SETD1B: variants seen among roughly 807,000 people sequenced by gnomAD.
SETD1B encodes histone-lysine N-methyltransferase SETD1B.
SETD1B carries 7 observed loss-of-function variants against 148.0 expected under a neutral mutation model. The observed-to-expected ratio is 0.05, with a 90% confidence interval of 0.03 to 0.09. The LOEUF (loss-of-function observed/expected upper bound fraction) is 0.09. Ranked by LOEUF, SETD1B falls within the 10% of genes least tolerant of loss-of-function variation. The probability of loss-of-function intolerance (pLI) is 1.00; values close to 1 mark genes in which losing one functional copy is unlikely to be tolerated. For missense variants in SETD1B, 2,155 were observed against 2,729.9 expected, an observed-to-expected ratio of 0.79 and a Z score of 4.69; for synonymous variants, 1,361 against 1,186.5, an observed-to-expected ratio of 1.15 and a Z score of -3.02.
At chr12:121,791,362 G>C in the SETD1B span, among the ~76,000 whole-genome samples, 80 of 152,324 alleles carry the variant, frequency 5.3e-4, 1 homozygote, top group East Asian at 0.012. Flanking sequence ...ATATTAATCT[G>C]ATTTAATCCT....
chr12:121,806,821 C>T (rs1029765235), intron 4 of SETD1B, among the ~76,000 whole-genome samples: 1 of 152,220 alleles, frequency 6.6e-6, no homozygotes, highest in Admixed American at 6.5e-5. Flanking sequence ...GCCATACCTC[C>T]CACCCTGTGG....
At position 121,814,561 on chromosome 12, in the gene SETD1B, C is replaced by A; in HGVS notation, c.2346C>A (p.Leu782=). ...PMSFQMQTQV[L]SRLMTGQGAC... is the part of the protein sequence containing the mutation. ...CCTTCCAGATGCAAACGCAGGTGCT[C>A]AGCCGGCTGATGACGGGCCAGGGCG... The change falls in exon 7 of 17, where the codon CTC becomes CTA. Residue 782 remains leucine, a synonymous_variant. Coordinates refer to ENST00000604567, the MANE Select transcript of SETD1B (RefSeq NM_001353345.2). 1 of 1,502,762 alleles carries A rather than the reference C, an allele frequency of 6.7e-7. No homozygotes were observed. Among genetic ancestry groups the A allele is most frequent in the South Asian group, 1.3e-5 (1 of 77,034 alleles). The allele number at this position is 1,502,762 out of a possible 1,614,324, so 93.1% of individuals were successfully genotyped here. A position where few individuals can be genotyped will look rare whatever the true frequency, so the allele number is the denominator to read the frequency against.
rs1405854735 is a variant in SETD1B at position 121,831,612 on chromosome 12, T to A, written c.*1373T>A. 6.6e-6 allele frequency: 1 copy of A among 151,774 alleles called. No individual in the cohort carries two copies. Among genetic ancestry groups the A allele is most frequent in the African/African-American group, 2.4e-5 (1 of 41,356 alleles). 9.4% of individuals were successfully genotyped at this position (151,774 alleles called of 1,614,324 possible). A position where few individuals can be genotyped will look rare whatever the true frequency, so the allele number is the denominator to read the frequency against. On this transcript the variant is annotated 3_prime_UTR_variant, in exon 17 of 17. Coordinates refer to ENST00000604567, the MANE Select transcript of SETD1B (RefSeq NM_001353345.2). Reference sequence around the variant, plus strand: ...GGAAGACATTTTTTGCTCATTTCTTTGTACTTCCAAAAAAAAAGGAAAAAA... The same window carrying A: ...GGAAGACATTTTTTGCTCATTTCTTAGTACTTCCAAAAAAAAAGGAAAAAA...
chr12:121,806,289 G>T (rs952997253), intron 4 of SETD1B, among the ~76,000 whole-genome samples, 184 bp downstream of exon 4: 1 of 151,786 alleles, frequency 6.6e-6, no homozygotes, highest in African/African-American at 2.4e-5. Flanking sequence ...CTGTTGCTAG[G>T]AGACAGTCTG....
At chr12:121,821,430 C>T (rs1876561104) in intron 11 of SETD1B, among the ~76,000 whole-genome samples, 1 of 144,508 alleles carries the variant, frequency 6.9e-6, no homozygotes, top group African/African-American at 2.6e-5. Flanking sequence ...TAGAGTGAGA[C>T]TGTCTTAAAA....
intron 11 of SETD1B, among the ~76,000 whole-genome samples, chr12:121,821,389 A>T (rs1317100065): frequency 2.6e-5 from 4 of 151,522 alleles, no homozygotes; most frequent in Non-Finnish European, 4.4e-5. Flanking sequence ...GCGAGCCGAG[A>T]TCGTGCCACA....
At position 121,805,786 on chromosome 12, in the gene SETD1B, C is replaced by T; in HGVS notation, c.274-49C>T. ...GGGCGGGGGGGATGTTGTGTTTTCC[C>T]TTAGGTTTAAACGTTCTTCAAACTC... is the stretch of plus-strand genomic sequence containing the variant. On this transcript the variant is annotated intron_variant, in intron 3 of 16. Transcript: ENST00000604567. This position sits in a 1 kb window ranked among gnomAD's most constrained non-coding sequence, Gnocchi z 4.2. 3.3e-6 allele frequency: 5 copies of T among 1,517,060 alleles called. 1 individual carries two copies. The highest frequency in any genetic ancestry group is 4.9e-5 in the East Asian group (2 of 40,404). 94.0% of individuals were successfully genotyped at this position (1,517,060 alleles called of 1,614,324 possible).
At chr12:121,795,332 T>G in the SETD1B span, 1 of 152,146 alleles carries the variant, frequency 6.6e-6, no homozygotes, top group Non-Finnish European at 1.5e-5. Context: ...GTCACAGTCT[T>G]AGGGGAAGCA....
intron 16 of SETD1B, among the ~76,000 whole-genome samples, chr12:121,828,931 A>G (rs1467000697): frequency 6.6e-6 from 1 of 152,170 alleles, no homozygotes; most frequent in Non-Finnish European, 1.5e-5. Flanking sequence ...CCTGGGTGGT[A>G]GGGACTTTCC....
Position 121,804,991 on chromosome 12 carries a change from CCGA to C in SETD1B, c.174+81_174+83del, listed in dbSNP as rs1860728331. The C allele has an allele frequency of 6.8e-7, 1 of 1,460,384 alleles. No homozygotes were observed. Among genetic ancestry groups the C allele is most frequent in the South Asian group, 1.4e-5 (1 of 73,864 alleles). The allele number at this position is 1,460,384 out of a possible 1,614,324, so 90.5% of individuals were successfully genotyped here. A position where few individuals can be genotyped will look rare whatever the true frequency, so the allele number is the denominator to read the frequency against. On this transcript the variant is annotated intron_variant, in intron 2 of 16. Coordinates refer to ENST00000604567, the MANE Select transcript of SETD1B (RefSeq NM_001353345.2). This position sits in a 1 kb window ranked among gnomAD's most constrained non-coding sequence, Gnocchi z 4.6. ...CGCCTAGCGGCCAGGGACCCCCCGC[CCGA>C]TCCCCCGGCCAACTGTCAGACGGGG...
rs1875616086 is a variant in SETD1B, at chr12:121,804,573, T to A, written c.-14-151T>A. On this transcript the variant is annotated intron_variant, in intron 1 of 16. Transcript: ENST00000604567. The surrounding 1 kb of genome is among the most constrained non-coding windows in gnomAD (Gnocchi z 4.6). The stretch of plus-strand genomic sequence containing the variant: ...GGGTTATTCTCTCGCTCCATTCTTG[T>A]TTTGGGGGGAGCCAGCGAGACAGCT... 6.6e-6 allele frequency among the ~76,000 whole-genome samples: 1 copy of A among 150,564 alleles called. No individual in the cohort carries two copies. Among genetic ancestry groups the A allele is most frequent in the Admixed American group, 6.6e-5 (1 of 15,206 alleles).
chr12:121,823,206 G>C lies in SETD1B; in HGVS notation c.4627G>C (p.Ala1543Pro), dbSNP rs1376563237. ...DGPLVRPPAG[A>P]ALGRELLLLP... ...GCCCTTGGTCCGACCACCAGCAGGG[G>C]CCGCCCTTGGAAGGGAACTCCTGCT... The change falls in exon 12 of 17, where the codon GCC (alanine) becomes CCC (proline). Residue 1543 changes from alanine to proline, a missense_variant. By Grantham distance (27) the Ala-to-Pro change is conservative. Transcript: ENST00000604567. 3 of 1,548,900 alleles carry C rather than the reference G, an allele frequency of 1.9e-6. No individual in the cohort carries two copies. The highest frequency in any genetic ancestry group is 2.7e-5 in the African/African-American group (2 of 73,004).
At chr12:121,802,946 G>A (rs1875466174), upstream of SETD1B, 1 of 152,260 alleles carries the variant, frequency 6.6e-6, no homozygotes, top group African/African-American at 2.4e-5. Context: ...CGTGTCTGAT[G>A]AAGGATGTTT....
chr12:121,816,075 G>A (rs546442733), intron 7 of SETD1B, among the ~76,000 whole-genome samples: 1 of 152,186 alleles, frequency 6.6e-6, no homozygotes. Flanking sequence ...TGATCCACCT[G>A]CTTCAGCCTA....
In SETD1B at chr12:121,805,439, C is replaced by T. The variant is rs537168484; in HGVS notation, c.273+223C>T. Among the ~76,000 whole-genome samples the T allele has an allele frequency of 2.0e-5, 3 of 152,300 alleles. No homozygotes were observed. Among genetic ancestry groups the T allele is most frequent in the South Asian group, 2.1e-4 (1 of 4,830 alleles). The stretch of plus-strand genomic sequence containing the variant: ...TGTAATCACGGCGCAGATACAGTGT[C>T]CTGCACGCCCCGCGGGGGGCTCGGC... On this transcript the variant is annotated intron_variant, in intron 3 of 16. Coordinates refer to ENST00000604567, the MANE Select transcript of SETD1B (RefSeq NM_001353345.2). This position sits in a 1 kb window ranked among gnomAD's most constrained non-coding sequence, Gnocchi z 4.2.
chr12:121,823,807 C>A (rs543848974), intron 12 of SETD1B, 58 bp downstream of exon 12: 1 of 1,483,396 alleles, frequency 6.7e-7, no homozygotes, highest in Non-Finnish European at 9.0e-7. Flanking sequence ...TCCCTGCTCA[C>A]CTCTCTGGGC....
At chr12:121,826,204 C>G (rs977618239) in intron 13 of SETD1B, among the ~76,000 whole-genome samples, 1 of 152,100 alleles carries the variant, frequency 6.6e-6, no homozygotes, top group Non-Finnish European at 1.5e-5. Flanking sequence ...AGCCACGGTA[C>G]CCAGCTGGAA....
In SETD1B at chr12:121,805,233, C is replaced by G; in HGVS notation, c.273+17C>G. On this transcript the variant is annotated intron_variant, in intron 3 of 16. Transcript: ENST00000604567. This position sits in a 1 kb window ranked among gnomAD's most constrained non-coding sequence, Gnocchi z 4.2. ...AAATTCAAGGTAGGACCCCTCCCCA[C>G]TGCCCCGCCGTCCCTCCCCCACCTC... The G allele has an allele frequency of 6.5e-7, 1 of 1,534,010 alleles. No individual in the cohort carries two copies. The highest frequency in any genetic ancestry group is 1.2e-5 in the South Asian group (1 of 83,646).
intron 13 of SETD1B, 135 bp from the exon 14 acceptor site, chr12:121,827,384 A>C: frequency 1.8e-6 from 2 of 1,116,352 alleles, no homozygotes; most frequent in Admixed American, 3.0e-5. Flanking sequence ...AGCGGTGACA[A>C]TTAGGGACCG....
Sources: allele counts gnomAD v4.1 joint callset (sites outside exome capture counted in the v4.1 genomes callset), GRCh38; gene constraint gnomAD v4.1.1; non-coding constraint Gnocchi (gnomAD v3.1); transcripts MANE v1.5; gene names NCBI Gene and HGNC (gene_info 2026-07-23, HGNC 2026-07-21).